Variants in HAGH observed in about 807,000 individuals in gnomAD.
The protein encoded by HAGH is hydroxyacylglutathione hydrolase, mitochondrial.
HAGH carries 29 observed loss-of-function variants against 35.1 expected under a neutral mutation model. That is an observed-to-expected ratio of 0.83 (90% CI 0.62 to 1.13). The LOEUF (loss-of-function observed/expected upper bound fraction) is 1.13. HAGH is among the 50% of genes most tolerant of loss of function. The probability of loss-of-function intolerance (pLI) is 0.00; values close to 1 mark genes in which losing one functional copy is unlikely to be tolerated. For synonymous variants in HAGH, 225 were observed against 176.1 expected, an observed-to-expected ratio of 1.28 and a Z score of -2.20; for missense variants, 478 against 419.6, an observed-to-expected ratio of 1.14 and a Z score of -1.22.
At position 1,816,923 on chromosome 16, in the gene HAGH, G is replaced by A. The variant is rs149582095; in HGVS notation, c.717C>T (p.Ala239=). The part of the protein sequence containing the change: ...KFARHVEPGN[A]AIREKLAWAK... ...CCCAGGCCAGCTTCTCCCGGATGGC[G>A]GCATTGCCGGGCTCCACGTGGCGTG... Residue 239 remains alanine (A), a synonymous_variant, in exon 7 of 9, where the codon GCC becomes GCT. Coordinates refer to ENST00000397356, the MANE Select transcript of HAGH (RefSeq NM_005326.6). 3.8e-4 allele frequency: 609 copies of A among 1,613,424 alleles called. No individual in the cohort carries two copies. Among genetic ancestry groups the A allele is most frequent in the South Asian group, 1.4e-3 (125 of 91,064 alleles).
At chr16:1,816,463 A>AC (rs1027425167) in intron 7 of HAGH, among the ~76,000 whole-genome samples, 6 of 152,086 alleles carry the variant, frequency 3.9e-5, no homozygotes, top group Non-Finnish European at 8.8e-5. Context: ...ATTCGGGGAA[A>AC]CACACCCCTG....
rs1231581942 is a variant in HAGH, at chr16:1,807,640, A to C, written c.*1643T>G. On this transcript the variant is annotated 3_prime_UTR_variant, in exon 9 of 9. Transcript: ENST00000397356. ...AAATGAGCACAGTGTTTGTTATAGA[A>C]TGGAAACATTTAAGATTCTGGCCTA... The C allele has an allele frequency of 6.6e-6, 1 of 152,250 alleles. No individual in the cohort carries two copies. The highest frequency in any genetic ancestry group is 1.5e-5 in the Non-Finnish European group (1 of 68,054). The allele number at this position is 152,250 out of a possible 1,614,324, so 9.4% of individuals were successfully genotyped here.
At chr16:1,823,443 A>G (rs570403456) in intron 1 of HAGH, among the ~76,000 whole-genome samples, 15 of 151,452 alleles carry the variant, frequency 9.9e-5, no homozygotes, top group Admixed American at 1.3e-4. Flanking sequence ...AATTTTTTGT[A>G]TTTTTTAGTA....
At position 1,822,896 on chromosome 16, in the gene HAGH, G is replaced by A; in HGVS notation, c.218C>T (p.Ala73Val). ...YLVIDDETKE[A>V]AIVDPVQPQK... is the part of the protein sequence containing the mutation. ...GGGCTGCACCGGATCCACAATGGCA[G>A]CCTCCTTGGTCTCATCATCAATGAC... The change falls in exon 2 of 9, where the codon GCT becomes GTT. Residue 73 changes from alanine to valine, a missense_variant. By Grantham distance (64) the Ala-to-Val change is moderately conservative (BLOSUM62 0). Coordinates refer to ENST00000397356, the MANE Select transcript of HAGH (RefSeq NM_005326.6). The A allele has an allele frequency of 6.2e-7, 1 of 1,613,828 alleles. No individual in the cohort carries two copies. Among genetic ancestry groups the A allele is most frequent in the Non-Finnish European group, 8.5e-7 (1 of 1,179,956 alleles).
upstream of HAGH, chr16:1,826,950 C>A (rs572036965): frequency 6.4e-6 from 4 of 624,794 alleles, no homozygotes; most frequent in African/African-American, 5.8e-5. Context: ...CTTGTTTTGT[C>A]CGCGAGCCCC....
intron 1 of HAGH, 128 bp downstream of exon 1, chr16:1,826,584 G>A (rs1440436470): frequency 3.1e-6 from 3 of 982,198 alleles, no homozygotes; most frequent in South Asian, 4.6e-5. Flanking sequence ...CTCGAGCCCG[G>A]CAGCGCGGCC....
Position 1,820,009 on chromosome 16 carries a change from T to C in HAGH, c.320A>G (p.His107Arg). The C allele has an allele frequency of 1.2e-6, 2 of 1,609,152 alleles. No individual in the cohort carries two copies. Among genetic ancestry groups the C allele is most frequent in the Non-Finnish European group, 1.7e-6 (2 of 1,177,014 alleles). The change falls in exon 4 of 9, where the codon CAT becomes CGT. Residue 107 changes from histidine to arginine, a missense_variant. Physicochemically the swap from His to Arg is conservative, Grantham distance 29 (BLOSUM62 0). Transcript: ENST00000397356. Reference sequence around the variant, plus strand: ...GACCAGTTTCTCATTCCCGCCAGCATGGTCCCTAGAAGTCAAACAGGAGAC... The same window carrying C: ...GACCAGTTTCTCATTCCCGCCAGCACGGTCCCTAGAAGTCAAACAGGAGAC... ...TVLTTHHHWD[H>R]AGGNEKLVKL... is the part of the protein sequence containing the mutation.
At chr16:1,816,795 C>T (rs1897911410) in intron 7 of HAGH, 98 bp downstream of exon 7, 2 of 755,392 alleles carry the variant, frequency 2.6e-6, no homozygotes, top group Admixed American at 4.0e-5. Flanking sequence ...GCTCTCTGGG[C>T]TCAGAGTGTG....
chr16:1,826,410 G>A lies in HAGH; in HGVS notation c.76+302C>T, dbSNP rs1395904705. ...CGCGCCCCAGGCTCTCCTCGGCGCC[G>A]GCCCGGGCAGGACGCGATGCCCTGG... On this transcript the variant is annotated intron_variant, in intron 1 of 8. Transcript: ENST00000397356. 7 of 315,666 alleles carry A rather than the reference G, an allele frequency of 2.2e-5. No individual in the cohort carries two copies. In the East Asian group the frequency reaches 8.4e-4, roughly 38 times the overall value. 19.6% of individuals were successfully genotyped at this position (315,666 alleles called of 1,614,324 possible).
rs1224636361 is a variant in HAGH, at chr16:1,808,213, TCCTCCTGCCTCAG to T, written c.*1057_*1069del. The T allele has an allele frequency of 6.6e-6, 1 of 152,204 alleles. No individual in the cohort carries two copies. Among genetic ancestry groups the T allele is most frequent in the Non-Finnish European group, 1.5e-5 (1 of 68,076 alleles). The allele number at this position is 152,204 out of a possible 1,614,324, so 9.4% of individuals were successfully genotyped here. ...GCCTTGGACTCCCGGGCTCAAGCGA[TCCTCCTGCCTCAG>T]CCTCCTGAGTAGCTAGGACTACAGC... On this transcript the variant is annotated 3_prime_UTR_variant, in exon 9 of 9. Transcript: ENST00000397356.
chr16:1,809,931 A>C, intron 7 of HAGH, 98 bp from the exon 8 acceptor site: 1 of 836,238 alleles, frequency 1.2e-6, no homozygotes, highest in Non-Finnish European at 2.0e-6. Context: ...TGGGAGGCTA[A>C]GGCAGATGGA....
chr16:1,826,773 T>C lies in HAGH; in HGVS notation c.15A>G (p.Arg5=), dbSNP rs1033616612. The part of the protein sequence containing the change: MVVG[R]GLLGRRSLAA... ...CGAGGCTGCGGCGGCCGAGCAGCCC[T>C]CGGCCCACCACCATGACCCGGGCCG... The change falls in exon 1 of 9, where the codon CGA becomes CGG. Residue 5 remains arginine, a synonymous_variant. Coordinates refer to ENST00000397356, the MANE Select transcript of HAGH (RefSeq NM_005326.6). 1 of 1,209,154 alleles carries C rather than the reference T, an allele frequency of 8.3e-7. No individual in the cohort carries two copies. The allele number at this position is 1,209,154 out of a possible 1,614,324, so 74.9% of individuals were successfully genotyped here. A position where few individuals can be genotyped will look rare whatever the true frequency, so the allele number is the denominator to read the frequency against.
chr16:1,807,717 T>G lies in HAGH; in HGVS notation c.*1566A>C. 1 of 152,158 alleles carries G rather than the reference T, an allele frequency of 6.6e-6. No individual in the cohort carries two copies. Among genetic ancestry groups the G allele is most frequent in the South Asian group, 2.1e-4 (1 of 4,824 alleles). The allele number at this position is 152,158 out of a possible 1,614,324, so 9.4% of individuals were successfully genotyped here. ...ACTCTTTGCGCTGGGGCGGGGGTAG[T>G]GGGAGAAGAAAGCCGGAGAAGCAGT... On this transcript the variant is annotated 3_prime_UTR_variant, in exon 9 of 9. Transcript: ENST00000397356.
intron 7 of HAGH, among the ~76,000 whole-genome samples, chr16:1,814,714 ACG>A (rs1275689151): frequency 1.1e-4 from 17 of 151,988 alleles, no homozygotes; most frequent in African/African-American, 4.1e-4. Flanking sequence ...CCTGGATAAC[ACG>A]GTGAAACCCA....
Position 1,809,293 on chromosome 16 carries a change from G to A in HAGH, c.917C>T (p.Pro306Leu), listed in dbSNP as rs746063825. The A allele has an allele frequency of 3.1e-6, 5 of 1,608,762 alleles. No individual in the cohort carries two copies. The highest frequency in any genetic ancestry group is 3.4e-6 in the Non-Finnish European group (4 of 1,176,020). Reference protein sequence around the residue: ...VRREKDQFKMPRD With the variant: ...VRREKDQFKMLRD ...AGGTGCAGGGCGGCCTCAGTCCCGG[G>A]GCATCTTGAACTGGTCCTTCTCCCT... The change falls in exon 9 of 9, where the codon CCC becomes CTC. Residue 306 changes from proline (P) to leucine (L), a missense_variant. Coordinates refer to ENST00000397356, the MANE Select transcript of HAGH (RefSeq NM_005326.6).
chr16:1,815,640 G>A (rs936346018), intron 7 of HAGH, among the ~76,000 whole-genome samples: 2 of 152,170 alleles, frequency 1.3e-5, no homozygotes, highest in South Asian at 4.1e-4. Flanking sequence ...TTGGGGTAGT[G>A]GTAAGTTCCA....
rs1413688064 is a variant in HAGH, at chr16:1,811,397, G to C, written c.748-1564C>G. On this transcript the variant is annotated intron_variant, in intron 7 of 8. Transcript: ENST00000397356. Reference sequence around the variant, plus strand: ...CCACTGCACTCCAGCCTGGGCAGCAGAGCAAGACACTGTCTCCCAAAGAAA... The same window carrying C: ...CCACTGCACTCCAGCCTGGGCAGCACAGCAAGACACTGTCTCCCAAAGAAA... Among the ~76,000 whole-genome samples the C allele has an allele frequency of 5.9e-5, 9 of 152,080 alleles. No homozygotes were observed. The East Asian group carries it at 1.7e-3, about 29-fold the overall frequency.
intron 1 of HAGH, among the ~76,000 whole-genome samples, chr16:1,823,830 A>G (rs1898271512): frequency 6.7e-6 from 1 of 149,850 alleles, no homozygotes; most frequent in Non-Finnish European, 1.5e-5. Flanking sequence ...GCTCACATTC[A>G]TGGAAATCAA....
At chr16:1,821,386 G>A (rs921027117) in intron 3 of HAGH, 8 of 152,308 alleles carry the variant, frequency 5.3e-5, no homozygotes, top group Non-Finnish European at 7.3e-5. Flanking sequence ...CAGAGGCTGG[G>A]GAAGCCACAG....
Sources: gnomAD v4.1 joint callset for allele counts (sites outside exome capture counted in the v4.1 genomes callset) on GRCh38, gnomAD v4.1.1 for gene constraint, MANE v1.5 for transcripts, NCBI Gene and HGNC (gene_info 2026-07-23, HGNC 2026-07-21) for gene names.